The following CEPT1 variants were observed in gnomAD, a reference collection of about 807,000 sequenced individuals.
CEPT1 encodes the protein choline/ethanolaminephosphotransferase 1.
Under a neutral mutation model 42.6 loss-of-function variants are expected in CEPT1, and 7 were observed. That is an observed-to-expected ratio of 0.16 (90% CI 0.09 to 0.31). The LOEUF is 0.31. Ranked by LOEUF, CEPT1 falls within the 10% of genes least tolerant of loss-of-function variation. The pLI is 1.00. For synonymous variants in CEPT1, 171 were observed against 171.9 expected (o/e 0.99, Z 0.04); for missense variants, 306 against 502.1 (o/e 0.61, Z 3.73).
At chr1:111,142,595 T>C (rs1264459796) in intron 1 of CEPT1, among the ~76,000 whole-genome samples, 1 of 152,204 alleles carries the variant, frequency 6.6e-6, no homozygotes, top group Non-Finnish European at 1.5e-5. Context: ...GAGGGGTTTG[T>C]AGTGAGGCAA....
intron 2 of CEPT1, among the ~76,000 whole-genome samples, chr1:111,152,191 T>C (rs1181511945): frequency 6.6e-6 from 1 of 152,236 alleles, no homozygotes; most frequent in East Asian, 1.9e-4. Context: ...ATTGCTAGTT[T>C]TCATGCTTTT....
In CEPT1 at chr1:111,140,286, G is replaced by A. The variant is rs545561483; in HGVS notation, c.-95G>A. 2.8e-4 allele frequency: 42 copies of A among 152,716 alleles called. No homozygotes were observed. The highest frequency in any genetic ancestry group is 9.9e-4 in the African/African-American group (41 of 41,596). The allele number at this position is 152,716 out of a possible 1,614,324, so 9.5% of individuals were successfully genotyped here. On this transcript the variant is annotated 5_prime_UTR_variant, in exon 1 of 9. Coordinates refer to ENST00000357172, the MANE Select transcript of CEPT1 (RefSeq NM_006090.5). ...CTGGAGTCGGAGGCGATATTTCTAG[G>A]GGTGTACTTGTTGGGGTCAGGGTAA... is the stretch of plus-strand genomic sequence containing the variant.
chr1:111,181,051 C>G (rs1378135012), intron 5 of CEPT1: 1 of 152,192 alleles, frequency 6.6e-6, no homozygotes, highest in Non-Finnish European at 1.5e-5. Flanking sequence ...GTAATCCCAG[C>G]TACTCAAAAG....
At chr1:111,171,137 A>G (rs138986199) in intron 4 of CEPT1, among the ~76,000 whole-genome samples, 40 of 152,352 alleles carry the variant, frequency 2.6e-4, no homozygotes, top group African/African-American at 9.4e-4. Flanking sequence ...CCTCAATTAA[A>G]ACTGAGTTCT....
chr1:111,183,833 G>GT (rs1338126414), intron 8 of CEPT1, among the ~76,000 whole-genome samples: 2 of 152,138 alleles, frequency 1.3e-5, no homozygotes, highest in African/African-American at 4.8e-5. Context: ...TTCTGACTGA[G>GT]TAGAAAAGCA....
intron 6 of CEPT1, chr1:111,182,548 G>T: frequency 1.8e-6 from 1 of 569,922 alleles, no homozygotes; most frequent in Non-Finnish European, 3.0e-6. Flanking sequence ...TTATTCACAT[G>T]TTTTTTAAAG....
chr1:111,152,933 G>T (rs983098719), intron 2 of CEPT1, among the ~76,000 whole-genome samples: 5 of 152,102 alleles, frequency 3.3e-5, no homozygotes, highest in African/African-American at 1.2e-4. Context: ...TCAGATCAGG[G>T]TAATTATGTC....
upstream of CEPT1, chr1:111,140,157 A>T (rs1209475486): frequency 6.6e-6 from 1 of 152,230 alleles, no homozygotes; most frequent in African/African-American, 2.4e-5. Flanking sequence ...CGCTCACGGC[A>T]CCGAGGAGCG....
intron 1 of CEPT1, among the ~76,000 whole-genome samples, chr1:111,147,347 CTG>C (rs1655024825): frequency 1.3e-5 from 2 of 152,158 alleles, no homozygotes; most frequent in Non-Finnish European, 2.9e-5. Context: ...CATTATACAA[CTG>C]AAAGCAGTGT....
At chr1:111,167,535 A>G in intron 4 of CEPT1, 1 of 912,406 alleles carries the variant, frequency 1.1e-6, no homozygotes, top group Non-Finnish European at 1.3e-6. Flanking sequence ...TTTTGAAAAC[A>G]GAATAAAGCA....
intron 2 of CEPT1, among the ~76,000 whole-genome samples, chr1:111,158,116 C>T (rs987152698): frequency 1.9e-4 from 29 of 152,020 alleles, no homozygotes; most frequent in African/African-American, 6.8e-4. Flanking sequence ...CCGAGGTGGG[C>T]GGATCACTTG....
At chr1:111,176,069 A>G (rs942191795) in intron 5 of CEPT1, among the ~76,000 whole-genome samples, 25 of 152,348 alleles carry the variant, frequency 1.6e-4, no homozygotes, top group African/African-American at 6.0e-4. Context: ...ATTTATTGCC[A>G]GAAATGAATT....
At chr1:111,172,274 G>T (rs1010692404) in intron 4 of CEPT1, among the ~76,000 whole-genome samples, 9 of 151,686 alleles carry the variant, frequency 5.9e-5, no homozygotes, top group Admixed American at 3.9e-4. Context: ...GTTTTTTGTT[G>T]TTTTTTTCTT....
chr1:111,181,102 T>C (rs1415239454), intron 5 of CEPT1: 1 of 152,158 alleles, frequency 6.6e-6, no homozygotes, highest in African/African-American at 2.4e-5. Flanking sequence ...AAGCGGGGGT[T>C]GCAGTAAACC....
chr1:111,182,511 TTTA>T (rs2101411498), intron 6 of CEPT1, 193 bp downstream of exon 6: 1 of 620,746 alleles, frequency 1.6e-6, no homozygotes, highest in Non-Finnish European at 2.7e-6. Context: ...TATTCATACT[TTTA>T]TGCATACACA....
At chr1:111,148,313 C>G (rs1655084059) in intron 2 of CEPT1, among the ~76,000 whole-genome samples, 1 of 147,468 alleles carries the variant, frequency 6.8e-6, no homozygotes, top group Non-Finnish European at 1.5e-5. Flanking sequence ...TTTAAAGTCA[C>G]TAAATCTCAA....
chr1:111,159,663 A>G, intron 3 of CEPT1, 136 bp downstream of exon 3: 1 of 610,066 alleles, frequency 1.6e-6, no homozygotes, highest in Non-Finnish European at 2.6e-6. Flanking sequence ...AAGACTATGA[A>G]CCTAGTTAAT....
At position 111,161,267 on chromosome 1, in the gene CEPT1, G is replaced by C; in HGVS notation, c.600G>C (p.Thr200=). 4 of 1,612,616 alleles carry C rather than the reference G, an allele frequency of 2.5e-6. No individual in the cohort carries two copies. Among genetic ancestry groups the C allele is most frequent in the Non-Finnish European group, 3.4e-6 (4 of 1,179,576 alleles). The change falls in exon 4 of 9, where the codon ACG becomes ACC. Residue 200 remains threonine, a synonymous_variant. Coordinates refer to ENST00000357172, the MANE Select transcript of CEPT1 (RefSeq NM_006090.5). ...TGTTCTATTGTGCGCACTGGCAAACGTATGTTTCTGGAACATTGCGATTTG... is the reference window on the plus strand; with the variant it reads ...TGTTCTATTGTGCGCACTGGCAAACCTATGTTTCTGGAACATTGCGATTTG... ...TFMFYCAHWQ[T]YVSGTLRFGI...
At chr1:111,164,745 C>T (rs1279522618) in intron 4 of CEPT1, among the ~76,000 whole-genome samples, 1 of 151,378 alleles carries the variant, frequency 6.6e-6, no homozygotes, top group Non-Finnish European at 1.5e-5. Context: ...CTCAGCCTCC[C>T]GAGTAGCTAG....
Sources: allele counts gnomAD v4.1 joint callset (sites outside exome capture counted in the v4.1 genomes callset), GRCh38; gene constraint gnomAD v4.1.1; transcripts MANE v1.5; gene names NCBI Gene and HGNC (gene_info 2026-07-23, HGNC 2026-07-21).